Variants in CSMD2 observed in about 807,000 individuals in gnomAD.
CSMD2 encodes the protein CUB and Sushi multiple domains 2.
A neutral mutation model predicts 398.5 loss-of-function variants in CSMD2; 130 were observed. The ratio of observed to expected loss-of-function variants is 0.33; its 90% CI spans 0.28 to 0.38. CSMD2 has a LOEUF of 0.38. Ranked by LOEUF, CSMD2 falls within the 10% of genes least tolerant of loss-of-function variation. The pLI is 1.00. For missense variants in CSMD2, 3,829 were observed against 4,764.9 expected (o/e 0.80, Z 5.78); for synonymous variants, 1,828 against 1,908.5 (o/e 0.96, Z 1.10).
chr1:33,793,366 C>T (rs892751681), intron 10 of CSMD2, among the ~76,000 whole-genome samples: 8 of 152,072 alleles, frequency 5.3e-5, no homozygotes, highest in African/African-American at 1.7e-4. Context: ...GTCAGGTGCA[C>T]AGGGCCTGAG....
intron 5 of CSMD2, among the ~76,000 whole-genome samples, chr1:33,903,736 G>C (rs962616216): frequency 3.9e-5 from 6 of 152,116 alleles, no homozygotes; most frequent in African/African-American, 1.4e-4. Flanking sequence ...GAAAATATCA[G>C]GTATTGATGA....
intron 4 of CSMD2, among the ~76,000 whole-genome samples, chr1:33,923,545 T>C (rs371147893): frequency 6.6e-6 from 1 of 152,156 alleles, no homozygotes; most frequent in African/African-American, 2.4e-5. Flanking sequence ...TCTACAGCAA[T>C]ACAAGAAAAG....
intron 4 of CSMD2, among the ~76,000 whole-genome samples, chr1:33,925,011 TTG>T (rs1233434219): frequency 6.6e-6 from 1 of 152,142 alleles, no homozygotes; most frequent in Non-Finnish European, 1.5e-5. Flanking sequence ...TCTTTTCACT[TTG>T]TTGATGGTTT....
chr1:34,149,172 A>G (rs551838095), intron 1 of CSMD2, among the ~76,000 whole-genome samples: 1 of 152,272 alleles, frequency 6.6e-6, no homozygotes, highest in Admixed American at 6.5e-5. Flanking sequence ...CATTTGCCTC[A>G]GTTTCCCTGC....
intron 15 of CSMD2, among the ~76,000 whole-genome samples, chr1:33,737,521 G>C (rs1256543363): frequency 2.0e-5 from 3 of 152,110 alleles, no homozygotes; most frequent in Non-Finnish European, 4.4e-5. Context: ...CTCTTCAAGC[G>C]GGTTCCCATT....
In CSMD2 at chr1:33,605,322, G is replaced by A. The variant is rs1474100006; in HGVS notation, c.6492C>T (p.Gly2164=). 6.2e-7 allele frequency: 1 copy of A among 1,614,058 alleles called. No homozygotes were observed. Among genetic ancestry groups the A allele is most frequent in the Non-Finnish European group, 8.5e-7 (1 of 1,180,034 alleles). ...GGGGGTGGTCCCAGTTCCGGTTGGT[G>A]CCATGTTGACACGTGAGGACAGGGT... The part of the protein sequence containing the change: ...TGHPVLTCQH[G]TNRNWDHPLP... The change falls in exon 42 of 71, where the codon GGC becomes GGT. Residue 2164 remains glycine, a synonymous_variant. Transcript: ENST00000373381.
chr1:34,006,686 A>G (rs1647067496), intron 3 of CSMD2, among the ~76,000 whole-genome samples: 1 of 152,112 alleles, frequency 6.6e-6, no homozygotes, highest in Non-Finnish European at 1.5e-5. Context: ...AATAACTAGC[A>G]CAATGCAAGG....
At chr1:33,749,324 C>A (rs555902486) in intron 13 of CSMD2, among the ~76,000 whole-genome samples, 2 of 152,006 alleles carry the variant, frequency 1.3e-5, no homozygotes, top group Non-Finnish European at 2.9e-5. Context: ...TGGTCTCGAT[C>A]TCCTGACCTC....
chr1:33,761,275 G>T (rs937638898), intron 13 of CSMD2, among the ~76,000 whole-genome samples: 4 of 152,122 alleles, frequency 2.6e-5, no homozygotes, highest in African/African-American at 9.7e-5. Context: ...CCAAGCAAAG[G>T]CTACTCAAAA....
At chr1:33,923,766 T>C (rs895887029) in intron 4 of CSMD2, among the ~76,000 whole-genome samples, 4 of 152,194 alleles carry the variant, frequency 2.6e-5, no homozygotes, top group African/African-American at 9.6e-5. Context: ...CCCCAACCCC[T>C]AGGCCATGGA....
intron 4 of CSMD2, among the ~76,000 whole-genome samples, chr1:33,922,058 C>T (rs1394727434): frequency 3.3e-5 from 5 of 152,102 alleles, no homozygotes; most frequent in Non-Finnish European, 5.9e-5. Context: ...GAGACAGGGA[C>T]GCTAGAGGAG....
chr1:33,657,522 A>G (rs1357482283), intron 27 of CSMD2, among the ~76,000 whole-genome samples: 1 of 152,216 alleles, frequency 6.6e-6, no homozygotes, highest in African/African-American at 2.4e-5. Context: ...TTCCTTGAGA[A>G]CAGCAAAAGC....
In CSMD2 at chr1:34,114,667, C is replaced by T. The variant is rs542858734; in HGVS notation, c.188-25474G>A. ...GAGCTATTATCACACCACTCCATTC[C>T]AGCCTGGGAAACAGGATGAGACCCT... On this transcript the variant is annotated intron_variant, in intron 1 of 70. Transcript: ENST00000373381. 6.6e-5 allele frequency among the ~76,000 whole-genome samples: 10 copies of T among 152,134 alleles called. No individual in the cohort carries two copies. The East Asian group carries it at 1.9e-3, about 29-fold the overall frequency.
At chr1:33,964,283 T>A (rs547796324) in intron 3 of CSMD2, among the ~76,000 whole-genome samples, 1 of 152,178 alleles carries the variant, frequency 6.6e-6, no homozygotes, top group Non-Finnish European at 1.5e-5. Context: ...ATGGAGATGA[T>A]AATAACAGTG....
At chr1:33,539,709 G>A (rs938537635) in intron 60 of CSMD2, among the ~76,000 whole-genome samples, 2 of 152,058 alleles carry the variant, frequency 1.3e-5, no homozygotes, top group Non-Finnish European at 2.9e-5. Flanking sequence ...ATTGTTAAAA[G>A]GCACTTCAGC....
rs78616922 is a variant in CSMD2 at position 33,529,051 on chromosome 1, A to G, written c.10172-1793T>C. On this transcript the variant is annotated intron_variant, in intron 64 of 70. Transcript: ENST00000373381. Reference sequence around the variant, plus strand: ...CCAATCTTAAAATCTGTATAGAAACAAAAGGCAAAACAATAGGCAAACAGT... The same window carrying G: ...CCAATCTTAAAATCTGTATAGAAACGAAAGGCAAAACAATAGGCAAACAGT... Among the ~76,000 whole-genome samples the G allele has an allele frequency of 3.6e-3, 552 of 152,388 alleles. 3 individuals carry two copies. The highest frequency in any genetic ancestry group is 5.5e-3 in the Non-Finnish European group (373 of 68,034).
chr1:34,075,722 G>A (rs145927090), intron 2 of CSMD2, among the ~76,000 whole-genome samples: 3 of 152,312 alleles, frequency 2.0e-5, no homozygotes, highest in African/African-American at 7.2e-5. Context: ...GTTTGCTCGT[G>A]TCCCATTAGA....
chr1:33,589,095 A>G (rs1161312790), intron 44 of CSMD2, among the ~76,000 whole-genome samples: 3 of 152,240 alleles, frequency 2.0e-5, no homozygotes, highest in African/African-American at 7.2e-5. Flanking sequence ...ACTGAGAGAT[A>G]CGTAAGCTCT....
chr1:34,125,506 G>A (rs930867223), intron 1 of CSMD2, among the ~76,000 whole-genome samples: 3 of 115,214 alleles, frequency 2.6e-5, no homozygotes, highest in African/African-American at 1.0e-4. Context: ...ATCAACCTTG[G>A]CTGTGTGTGT....
Sources: allele counts gnomAD v4.1 joint callset (sites outside exome capture counted in the v4.1 genomes callset), GRCh38; gene constraint gnomAD v4.1.1; transcripts MANE v1.5; gene names NCBI Gene and HGNC (gene_info 2026-07-23, HGNC 2026-07-21).